Variants in CNTRL observed in about 807,000 individuals in gnomAD.
The protein encoded by CNTRL is centriolin.
CNTRL carries 233 observed loss-of-function variants against 303.7 expected under a neutral mutation model. That is an observed-to-expected ratio of 0.77 (90% CI 0.69 to 0.86). The LOEUF is 0.86. Among genes scored for constraint, CNTRL ranks in the 40% least tolerant of loss-of-function variants. The pLI is 0.00. For synonymous variants in CNTRL, 900 were observed against 922.2 expected (o/e 0.98, Z 0.44); for missense variants, 2,524 against 2,650.6 (o/e 0.95, Z 1.05).
chr9:121,132,717 G>A (rs750251829), intron 14 of CNTRL, among the ~76,000 whole-genome samples: 10 of 152,042 alleles, frequency 6.6e-5, no homozygotes, highest in Non-Finnish European at 1.2e-4. Flanking sequence ...AGAGGCGCTC[G>A]GTTTTTAGAA....
At chr9:121,142,400 C>G (rs747921076) in intron 19 of CNTRL, 130 bp downstream of exon 19, 141 of 693,630 alleles carry the variant, frequency 2.0e-4, no homozygotes, top group Non-Finnish European at 3.0e-4. Context: ...AGTGCTGAAC[C>G]TGACCTAGGT....
At chr9:121,104,999 C>T (rs1564210088) in intron 7 of CNTRL, among the ~76,000 whole-genome samples, 1 of 152,152 alleles carries the variant, frequency 6.6e-6, no homozygotes, top group African/African-American at 2.4e-5. Flanking sequence ...CGTGAGCCAC[C>T]ATGCCCGGCT....
At chr9:121,117,336 T>C (rs1251380570) in intron 11 of CNTRL, among the ~76,000 whole-genome samples, 1 of 152,218 alleles carries the variant, frequency 6.6e-6, no homozygotes, top group African/African-American at 2.4e-5. Flanking sequence ...TTTATTTCTT[T>C]TCAGTCTTTT....
At chr9:121,100,928 C>G (rs952517751) in intron 7 of CNTRL, among the ~76,000 whole-genome samples, 1 of 152,214 alleles carries the variant, frequency 6.6e-6, no homozygotes, top group African/African-American at 2.4e-5. Context: ...TAGAGACCTA[C>G]AAAGAGACTT....
At chr9:121,177,016 A>T in intron 43 of CNTRL, 147 bp from the exon 44 acceptor site, 2 of 664,054 alleles carry the variant, frequency 3.0e-6, no homozygotes, top group Non-Finnish European at 5.3e-6. Context: ...TTCTCTCAGA[A>T]TTTTGTACAC....
chr9:121,119,051 GTA>G (rs983755432), intron 12 of CNTRL, among the ~76,000 whole-genome samples: 1 of 150,034 alleles, frequency 6.7e-6, no homozygotes, highest in Non-Finnish European at 1.5e-5. Context: ...GTATGTATGT[GTA>G]TATATATGTG....
rs747577111 is a variant in CNTRL at position 121,168,156 on chromosome 9, G to A, written c.5905G>A (p.Val1969Met). The stretch of plus-strand genomic sequence containing the variant: ...AGAAAGCAAATTAGAAACCAGTAAA[G>A]TGACACTGAAGGAGCAACAGCACCA... ...SEESKLETSK[V>M]TLKEQQHQLE... Residue 1969 changes from valine (V) to methionine (M), a missense_variant, in exon 38 of 44, where the codon GTG becomes ATG. Val to Met is a conservative substitution (Grantham distance 21, BLOSUM62 1). Coordinates refer to ENST00000373855, the MANE Select transcript of CNTRL (RefSeq NM_007018.6). The A allele has an allele frequency of 1.9e-6, 3 of 1,614,048 alleles. No homozygotes were observed. Among genetic ancestry groups the A allele is most frequent in the Non-Finnish European group, 8.5e-7 (1 of 1,180,026 alleles).
chr9:121,136,302 A>G (rs2133877574), intron 15 of CNTRL, among the ~76,000 whole-genome samples: 1 of 152,210 alleles, frequency 6.6e-6, no homozygotes, highest in South Asian at 2.1e-4. Context: ...TTTCCTTCTT[A>G]GAACAGGTTT....
intron 8 of CNTRL, among the ~76,000 whole-genome samples, chr9:121,108,796 A>G (rs1318736317): frequency 6.6e-6 from 1 of 152,188 alleles, no homozygotes; most frequent in African/African-American, 2.4e-5. Flanking sequence ...ATAAAAACAC[A>G]TTTATATACA....
At chr9:121,155,716 T>C (rs905657350) in intron 27 of CNTRL, among the ~76,000 whole-genome samples, 1 of 152,182 alleles carries the variant, frequency 6.6e-6, no homozygotes, top group Non-Finnish European at 1.5e-5. Flanking sequence ...ACATGGCCAT[T>C]TTGTAAATGT....
intron 4 of CNTRL, 81 bp downstream of exon 4, chr9:121,090,486 A>G: frequency 1.5e-6 from 2 of 1,298,848 alleles, no homozygotes; most frequent in Non-Finnish European, 1.1e-6. Flanking sequence ...AATTATCCTA[A>G]TGTCACCTAA....
chr9:121,094,301 T>C (rs920654020), intron 4 of CNTRL, among the ~76,000 whole-genome samples: 8 of 152,060 alleles, frequency 5.3e-5, no homozygotes. Context: ...AGGGCCTTCT[T>C]GCTGCGTCAT....
intron 25 of CNTRL, among the ~76,000 whole-genome samples, chr9:121,151,244 A>G (rs748928186): frequency 7.2e-5 from 11 of 152,128 alleles, no homozygotes; most frequent in Non-Finnish European, 1.3e-4. Context: ...ATGTCTTTAA[A>G]CAATATTTTA....
rs749521759 is a variant in CNTRL at position 121,173,748 on chromosome 9, AAAAC to A, written c.6747+19_6747+22del. 18 of 1,613,506 alleles carry A rather than the reference AAAAC, an allele frequency of 1.1e-5. No individual in the cohort carries two copies. Among genetic ancestry groups the A allele is most frequent in the Admixed American group, 6.7e-5 (4 of 60,004 alleles). On this transcript the variant is annotated intron_variant, in intron 42 of 43. Coordinates refer to ENST00000373855, the MANE Select transcript of CNTRL (RefSeq NM_007018.6). Reference sequence around the variant, plus strand: ...GAAGACCGACTCAAGGTTGCCCTTTAAAACAAACAAAAAATCAGTATGAGATACT... The same window carrying A: ...GAAGACCGACTCAAGGTTGCCCTTTAAAACAAAAAATCAGTATGAGATACT...
At chr9:121,100,606 C>T (rs1407597512) in intron 7 of CNTRL, among the ~76,000 whole-genome samples, 2 of 152,204 alleles carry the variant, frequency 1.3e-5, no homozygotes, top group African/African-American at 4.8e-5. Context: ...TTAAAAGACG[C>T]AGACTGGCAA....
rs1191190434 is a variant in CNTRL, at chr9:121,177,455, AAAAC to A, written c.*271_*274del. ...TTAATCTTCGTAACATGTTTAAAAAAAAACAGTGATTTTAACTGCATATTTGAAC... is the reference window on the plus strand; with the variant it reads ...TTAATCTTCGTAACATGTTTAAAAAAAGTGATTTTAACTGCATATTTGAAC... On this transcript the variant is annotated 3_prime_UTR_variant, in exon 44 of 44. Coordinates refer to ENST00000373855, the MANE Select transcript of CNTRL (RefSeq NM_007018.6). 2.7e-5 allele frequency: 10 copies of A among 374,276 alleles called. No individual in the cohort carries two copies. The highest frequency in any genetic ancestry group is 6.2e-5 in the African/African-American group (3 of 48,002). 23.2% of individuals were successfully genotyped at this position (374,276 alleles called of 1,614,324 possible). A position where few individuals can be genotyped will look rare whatever the true frequency, so the allele number is the denominator to read the frequency against.
intron 32 of CNTRL, chr9:121,161,288 C>G (rs2052843647): frequency 2.3e-6 from 1 of 441,476 alleles, no homozygotes; most frequent in Admixed American, 4.3e-5. Flanking sequence ...TCCAGCTTTT[C>G]TACAGTAAGC....
intron 43 of CNTRL, 74 bp downstream of exon 43, chr9:121,175,298 GC>G: frequency 7.3e-7 from 1 of 1,364,728 alleles, no homozygotes; most frequent in Non-Finnish European, 1.0e-6. Flanking sequence ...ACAAGGTCTT[GC>G]CCTACCGCCC....
Position 121,167,702 on chromosome 9 carries a change from TA to T in CNTRL, c.5844+32del, listed in dbSNP as rs754903816. Reference sequence around the variant, plus strand: ...GGTACTACACATTTATGATTTTACATAAAAAAAGCATTTTGTGGCTCATGTG... The same window carrying T: ...GGTACTACACATTTATGATTTTACATAAAAAAGCATTTTGTGGCTCATGTG... On this transcript the variant is annotated intron_variant, in intron 37 of 43. Transcript: ENST00000373855. The T allele has an allele frequency of 2.5e-4, 404 of 1,594,594 alleles. 1 individual carries two copies. Among genetic ancestry groups the T allele is most frequent in the Admixed American group, 9.9e-4 (56 of 56,558 alleles).
Sources: allele counts gnomAD v4.1 joint callset (sites outside exome capture counted in the v4.1 genomes callset), GRCh38; gene constraint gnomAD v4.1.1; transcripts MANE v1.5; gene names NCBI Gene and HGNC (gene_info 2026-07-23, HGNC 2026-07-21).